The following MRPL35 variants were observed in gnomAD, a reference collection of about 807,000 sequenced individuals.
MRPL35 encodes the protein large ribosomal subunit protein bL35m.
MRPL35 carries 18 observed loss-of-function variants against 21.6 expected under a neutral mutation model. That is an observed-to-expected ratio of 0.83 (90% CI 0.58 to 1.24). The LOEUF (loss-of-function observed/expected upper bound fraction) is 1.24. Among genes scored for constraint, MRPL35 ranks in the 50% most tolerant of loss-of-function variants. The pLI, the probability that MRPL35 is intolerant of heterozygous loss-of-function variation, is 0.00. For missense variants in MRPL35, 223 were observed against 223.2 expected (o/e 1.00, Z 0.01); for synonymous variants, 87 against 86.9 (o/e 1.00, Z -0.01).
chr2:86,209,531 A>G (rs1673861753), intron 3 of MRPL35, among the ~76,000 whole-genome samples: 1 of 152,178 alleles, frequency 6.6e-6, no homozygotes, highest in Non-Finnish European at 1.5e-5. Context: ...AATGAATAAT[A>G]CCTGTATGGG....
At chr2:86,201,291 T>A (rs1673681650) in intron 1 of MRPL35, among the ~76,000 whole-genome samples, 1 of 152,244 alleles carries the variant, frequency 6.6e-6, no homozygotes, top group South Asian at 2.1e-4. Flanking sequence ...ATTTCTCTGA[T>A]TAATAACAAG....
chr2:86,212,954 T>C lies in MRPL35; in HGVS notation c.*2286T>C. On this transcript the variant is annotated 3_prime_UTR_variant, in exon 4 of 4. Coordinates refer to ENST00000337109, the MANE Select transcript of MRPL35 (RefSeq NM_016622.4). ...CTATGTCCCAGCATATCTACAAAAC[T>C]GGGTACATACATACTGTCTAACTGC... The C allele has an allele frequency of 1.4e-6, 1 of 693,954 alleles. No homozygotes were observed. Among genetic ancestry groups the C allele is most frequent in the Non-Finnish European group, 1.8e-6 (1 of 564,074 alleles). 43.0% of individuals were successfully genotyped at this position (693,954 alleles called of 1,614,324 possible). A position where few individuals can be genotyped will look rare whatever the true frequency, so the allele number is the denominator to read the frequency against.
In MRPL35 at chr2:86,199,510, C is replaced by T. The variant is rs549092172; in HGVS notation, c.20C>T (p.Ala7Val). 65 of 1,614,172 alleles carry T rather than the reference C, an allele frequency of 4.0e-5. No homozygotes were observed. Among genetic ancestry groups the T allele is most frequent in the Admixed American group, 5.0e-5 (3 of 60,020 alleles). The change falls in exon 1 of 4, where the codon GCT becomes GTT. Residue 7 changes from alanine (A) to valine (V), a missense_variant. Transcript: ENST00000337109. ...GTGAAGATGGCTGCCTCTGCCTTTGCTGGTGCAGTGAGAGCAGCTTCAGGT... is the reference window on the plus strand; with the variant it reads ...GTGAAGATGGCTGCCTCTGCCTTTGTTGGTGCAGTGAGAGCAGCTTCAGGT... MAASAF[A>V]GAVRAASGIL...
In MRPL35 at chr2:86,204,612, G is replaced by A. The variant is rs950266388; in HGVS notation, c.44-1494G>A. ...TTTGCAGCCATGAACTATTAGTCTG[G>A]CCATAGTGGGAAGGACTGATAAGAG... On this transcript the variant is annotated intron_variant, in intron 1 of 3. Coordinates refer to ENST00000337109, the MANE Select transcript of MRPL35 (RefSeq NM_016622.4). Among the ~76,000 whole-genome samples the A allele has an allele frequency of 3.6e-4, 55 of 152,194 alleles. No individual in the cohort carries two copies. In the Middle Eastern group the frequency reaches 0.01, roughly 28 times the overall value.
At chr2:86,202,196 A>G (rs773636542) in intron 1 of MRPL35, among the ~76,000 whole-genome samples, 1 of 152,180 alleles carries the variant, frequency 6.6e-6, no homozygotes, top group African/African-American at 2.4e-5. Flanking sequence ...TTTCCCATGA[A>G]CTGCTCTCAA....
chr2:86,210,697 T>C lies in MRPL35; in HGVS notation c.*29T>C, dbSNP rs2103917260. 6.3e-7 allele frequency: 1 copy of C among 1,591,988 alleles called. No homozygotes were observed. The highest frequency in any genetic ancestry group is 2.2e-5 in the East Asian group (1 of 44,674). On this transcript the variant is annotated 3_prime_UTR_variant, in exon 4 of 4. Coordinates refer to ENST00000337109, the MANE Select transcript of MRPL35 (RefSeq NM_016622.4). ...AGAAGTTTCACTTGTTTCTCAGTTA[T>C]TGGATATGTATCTTTGTGTACATAT...
chr2:86,206,166 CCT>C lies in MRPL35; in HGVS notation c.109_110del (p.Leu37TyrfsTer10). ...ACCTACCGCAACTGTGTCAAGAATG[CCT>C]CTCTTATTTCTGCATTGTCCACTGG... is the stretch of plus-strand genomic sequence containing the variant. On this transcript the variant is annotated frameshift_variant, in exon 2 of 4. Transcript: ENST00000337109. LOFTEE classifies it high-confidence loss of function. 6.2e-7 allele frequency: 1 copy of C among 1,613,958 alleles called. No homozygotes were observed. The highest frequency in any genetic ancestry group is 1.7e-5 in the Admixed American group (1 of 60,004).
intron 1 of MRPL35, among the ~76,000 whole-genome samples, chr2:86,204,057 T>C (rs879893816): frequency 1.2e-4 from 18 of 151,928 alleles, no homozygotes; most frequent in Non-Finnish European, 2.5e-4. Context: ...CAGTCTCGGC[T>C]CACTGCACCC....
chr2:86,211,846 T>C lies in MRPL35; in HGVS notation c.*1178T>C. ...AGTTTATCCACTTCAGATTTCATGT[T>C]TTCATTTGTAAGGATAAACTTTTCC... On this transcript the variant is annotated 3_prime_UTR_variant, in exon 4 of 4. Coordinates refer to ENST00000337109, the MANE Select transcript of MRPL35 (RefSeq NM_016622.4). 2 of 985,524 alleles carry C rather than the reference T, an allele frequency of 2.0e-6. No individual in the cohort carries two copies. Among genetic ancestry groups the C allele is most frequent in the Non-Finnish European group, 2.4e-6 (2 of 829,984 alleles). 61.0% of individuals were successfully genotyped at this position (985,524 alleles called of 1,614,324 possible).
intron 1 of MRPL35, among the ~76,000 whole-genome samples, chr2:86,202,454 A>C (rs1384254902): frequency 2.0e-5 from 3 of 152,338 alleles, no homozygotes; most frequent in Non-Finnish European, 2.9e-5. Context: ...AGAATTTCAT[A>C]GGTTTTAATT....
In MRPL35 at chr2:86,210,831, G is replaced by T; in HGVS notation, c.*163G>T. The stretch of plus-strand genomic sequence containing the variant: ...AAAAGTTTTAAAACTTAATGGATCA[G>T]ACTTTGCCAGATTTGGTTAGGGAAA... On this transcript the variant is annotated 3_prime_UTR_variant, in exon 4 of 4. Coordinates refer to ENST00000337109, the MANE Select transcript of MRPL35 (RefSeq NM_016622.4). 1 of 1,295,364 alleles carries T rather than the reference G, an allele frequency of 7.7e-7. No homozygotes were observed. The highest frequency in any genetic ancestry group is 9.8e-7 in the Non-Finnish European group (1 of 1,020,682). 80.2% of individuals were successfully genotyped at this position (1,295,364 alleles called of 1,614,324 possible).
Position 86,212,106 on chromosome 2 carries a change from G to T in MRPL35, c.*1438G>T. ...GAAAACCATTATTAAATAGAATTATGCATGAATTACTGTTTCAGATCCTTT... is the reference window on the plus strand; with the variant it reads ...GAAAACCATTATTAAATAGAATTATTCATGAATTACTGTTTCAGATCCTTT... On this transcript the variant is annotated 3_prime_UTR_variant, in exon 4 of 4. Transcript: ENST00000337109. 2 of 1,176,290 alleles carry T rather than the reference G, an allele frequency of 1.7e-6. No individual in the cohort carries two copies. The highest frequency in any genetic ancestry group is 1.1e-6 in the Non-Finnish European group (1 of 948,488). 72.9% of individuals were successfully genotyped at this position (1,176,290 alleles called of 1,614,324 possible). A position where few individuals can be genotyped will look rare whatever the true frequency, so the allele number is the denominator to read the frequency against.
chr2:86,202,608 C>CTTAT (rs70956104), intron 1 of MRPL35, among the ~76,000 whole-genome samples: 61,705 of 151,708 alleles, frequency 0.41, 13,626 homozygotes, highest in Non-Finnish European at 0.51. Context: ...TGCGATTTAA[C>CTTAT]TTATTTGATT....
rs545156149 is a variant in MRPL35, at chr2:86,208,096, G to A, written c.378+769G>A. ...TTTGAAAGGTTGAAAGGATTCTCCCGTTTTATAAACAGTACTAAATTAGTA... is the reference window on the plus strand; with the variant it reads ...TTTGAAAGGTTGAAAGGATTCTCCCATTTTATAAACAGTACTAAATTAGTA... On this transcript the variant is annotated intron_variant, in intron 3 of 3. Coordinates refer to ENST00000337109, the MANE Select transcript of MRPL35 (RefSeq NM_016622.4). 1.5e-4 allele frequency among the ~76,000 whole-genome samples: 23 copies of A among 152,210 alleles called. No individual in the cohort carries two copies. In the East Asian group the frequency reaches 1.7e-3, roughly 11 times the overall value.
intron 3 of MRPL35, among the ~76,000 whole-genome samples, chr2:86,209,552 A>T (rs1372569532): frequency 6.6e-6 from 1 of 152,228 alleles, no homozygotes; most frequent in Non-Finnish European, 1.5e-5. Context: ...TGTATATGAA[A>T]GTTCTGGGTT....
chr2:86,213,791 G>T, downstream of MRPL35: 1 of 1,106,594 alleles, frequency 9.0e-7, no homozygotes. Context: ...GATACTTTCA[G>T]GTTTGTAGTT....
Position 86,199,470 on chromosome 2 carries a change from C to A in MRPL35, c.-21C>A. ...TCTTGTGCTTTTAAACCCAAAGCGG[C>A]CGCCGTAGGCGAAGGTGAAGATGGC... On this transcript the variant is annotated 5_prime_UTR_variant, in exon 1 of 4. Transcript: ENST00000337109. 2 of 1,614,072 alleles carry A rather than the reference C, an allele frequency of 1.2e-6. 1 individual carries two copies. Among genetic ancestry groups the A allele is most frequent in the Non-Finnish European group, 1.7e-6 (2 of 1,180,030 alleles).
Position 86,207,267 on chromosome 2 carries a change from C to T in MRPL35, c.318C>T (p.Thr106=), listed in dbSNP as rs371238247. The T allele has an allele frequency of 1.2e-5, 20 of 1,613,872 alleles. No individual in the cohort carries two copies. The highest frequency in any genetic ancestry group is 4.0e-5 in the African/African-American group (3 of 74,904). Residue 106 remains threonine (T), a synonymous_variant, in exon 3 of 4, where the codon ACC becomes ACT. Transcript: ENST00000337109. ...GTGCAAGAAAAGGCAAGAGAAAGAC[C>T]GTGAAAGCTGTCATCGATAGGTTTC... ...YFSARKGKRK[T]VKAVIDRFLR...
chr2:86,200,325 A>G (rs1673660994), intron 1 of MRPL35, among the ~76,000 whole-genome samples: 1 of 152,152 alleles, frequency 6.6e-6, no homozygotes, highest in African/African-American at 2.4e-5. Flanking sequence ...AATACATATG[A>G]AGAAAATTTT....
Sources: allele counts gnomAD v4.1 joint callset (sites outside exome capture counted in the v4.1 genomes callset), GRCh38; gene constraint gnomAD v4.1.1; transcripts MANE v1.5; gene names NCBI Gene and HGNC (gene_info 2026-07-23, HGNC 2026-07-21).